The following ADAMTS3 variants were observed in gnomAD, a reference collection of about 807,000 sequenced individuals.
ADAMTS3 encodes A disintegrin and metalloproteinase with thrombospondin motifs 3.
A neutral mutation model predicts 129.0 loss-of-function variants in ADAMTS3; 73 were observed. The ratio of observed to expected loss-of-function variants is 0.57; its 90% CI spans 0.47 to 0.69. The LOEUF (loss-of-function observed/expected upper bound fraction) is 0.69, where lower values mean the gene tolerates loss of function less well. Ranked by LOEUF, ADAMTS3 falls within the 30% of genes least tolerant of loss-of-function variation. The probability of loss-of-function intolerance (pLI) is 0.00; values close to 1 mark genes in which losing one functional copy is unlikely to be tolerated. For synonymous variants in ADAMTS3, 477 were observed against 510.8 expected (o/e 0.93, Z 0.89); for missense variants, 1,457 against 1,514.5 (o/e 0.96, Z 0.63).
At chr4:72,484,504 T>C (rs1245566550) in intron 3 of ADAMTS3, among the ~76,000 whole-genome samples, 1 of 151,798 alleles carries the variant, frequency 6.6e-6, no homozygotes, top group African/African-American at 2.4e-5. Context: ...ACAAATGGAG[T>C]TGTATTTGAT....
At chr4:72,304,256 A>G (rs1290336895) in intron 16 of ADAMTS3, among the ~76,000 whole-genome samples, 176 bp from the exon 17 acceptor site, 1 of 152,170 alleles carries the variant, frequency 6.6e-6, no homozygotes, top group Non-Finnish European at 1.5e-5. Context: ...TTAGGCATTC[A>G]AAACTCTCAA....
chr4:72,455,560 C>T (rs1407000492), intron 3 of ADAMTS3, among the ~76,000 whole-genome samples: 3 of 146,190 alleles, frequency 2.1e-5, no homozygotes, highest in Admixed American at 7.0e-5. Context: ...CATCATGGTA[C>T]GTGTATAGCT....
chr4:72,436,549 A>G (rs1717931594), intron 3 of ADAMTS3, among the ~76,000 whole-genome samples: 1 of 152,166 alleles, frequency 6.6e-6, no homozygotes, highest in African/African-American at 2.4e-5. Context: ...ATAAAGACAC[A>G]TGCACACGTA....
At chr4:72,412,431 G>A (rs1045144795) in intron 4 of ADAMTS3, among the ~76,000 whole-genome samples, 1 of 151,902 alleles carries the variant, frequency 6.6e-6, no homozygotes. Flanking sequence ...TTAATTTACA[G>A]TTGGAAGGTA....
chr4:72,298,412 T>G lies in ADAMTS3; in HGVS notation c.2455A>C (p.Ser819Arg). The change falls in exon 18 of 22, where the codon AGC (serine) becomes CGC (arginine). Residue 819 changes from serine to arginine, a missense_variant. Coordinates refer to ENST00000286657, the MANE Select transcript of ADAMTS3 (RefSeq NM_014243.3). ...IIPQENDTRS[S>R]LTYKYIIHED... ...TGGATGATGTACTTATATGTCAGGC[T>G]AGAGCGGGTATCATTTTCTTGAGGT... 6.2e-7 allele frequency: 1 copy of G among 1,608,266 alleles called. No homozygotes were observed. The highest frequency in any genetic ancestry group is 8.5e-7 in the Non-Finnish European group (1 of 1,176,244).
chr4:72,475,908 A>G (rs1719217809), intron 3 of ADAMTS3, among the ~76,000 whole-genome samples: 1 of 152,124 alleles, frequency 6.6e-6, no homozygotes, highest in Non-Finnish European at 1.5e-5. Context: ...GTCTCATAGG[A>G]AGTCAAAATA....
Position 72,349,927 on chromosome 4 carries a change from G to T in ADAMTS3, c.662-10234C>A, listed in dbSNP as rs370711743. Among the ~76,000 whole-genome samples the T allele has an allele frequency of 1.8e-4, 27 of 151,974 alleles. No individual in the cohort carries two copies. In the East Asian group the frequency reaches 4.7e-3, roughly 26 times the overall value. ...TACTGATCAAACAGTTTTGATTCAC[G>T]TTCTGATTGGTCAGTTTTTATATCA... On this transcript the variant is annotated intron_variant, in intron 4 of 21. Transcript: ENST00000286657.
At chr4:72,335,878 C>T (rs1719976722) in intron 5 of ADAMTS3, among the ~76,000 whole-genome samples, 1 of 151,998 alleles carries the variant, frequency 6.6e-6, no homozygotes, top group South Asian at 2.1e-4. Context: ...CGTGATCTAC[C>T]TCTACATTAT....
intron 3 of ADAMTS3, among the ~76,000 whole-genome samples, chr4:72,463,676 C>T (rs1324613346): frequency 7.5e-5 from 9 of 119,942 alleles, no homozygotes; most frequent in Admixed American, 1.9e-4. Flanking sequence ...GTTTTGAAAT[C>T]TTTTTTGGAT....
At position 72,413,909 on chromosome 4, in the gene ADAMTS3, A is replaced by G. The variant is rs114445226; in HGVS notation, c.661+906T>C. On this transcript the variant is annotated intron_variant, in intron 4 of 21. Coordinates refer to ENST00000286657, the MANE Select transcript of ADAMTS3 (RefSeq NM_014243.3). ...GATATGTTAACTTTAAAGTTATCTT[A>G]AATTGCACTATTCTGTTCATAAATA... Among the ~76,000 whole-genome samples, 1,096 of 141,736 alleles carry G rather than the reference A, an allele frequency of 7.7e-3. 18 individuals are homozygous for G. The highest frequency in any genetic ancestry group is 0.026 in the African/African-American group (1,038 of 39,428). The allele number at this position is 141,736 out of a possible 152,430, so 93.0% of individuals were successfully genotyped here. A position where few individuals can be genotyped will look rare whatever the true frequency, so the allele number is the denominator to read the frequency against.
chr4:72,310,508 G>A (rs1161063715), intron 14 of ADAMTS3, among the ~76,000 whole-genome samples: 2 of 151,936 alleles, frequency 1.3e-5, no homozygotes, highest in South Asian at 2.1e-4. Context: ...ATTTCATATC[G>A]ATTTAACTAT....
rs1209285557 is a variant in ADAMTS3 at position 72,344,953 on chromosome 4, C to T, written c.662-5260G>A. ...CTAATGAGTTTTTTCTTGTATGCCA[C>T]TGAATCTAGTCCTAAAATACATGAC... On this transcript the variant is annotated intron_variant, in intron 4 of 21. Transcript: ENST00000286657. 4.6e-5 allele frequency among the ~76,000 whole-genome samples: 7 copies of T among 152,104 alleles called. 1 individual carries two copies. Among genetic ancestry groups the T allele is most frequent in the Non-Finnish European group, 1.0e-4 (7 of 68,008 alleles).
At chr4:72,349,536 T>A (rs1720372584) in intron 4 of ADAMTS3, among the ~76,000 whole-genome samples, 1 of 152,040 alleles carries the variant, frequency 6.6e-6, no homozygotes, top group South Asian at 2.1e-4. Context: ...CTGGAGACAT[T>A]GGCAGTTATA....
Position 72,530,081 on chromosome 4 carries a change from T to TTATATATAATATGTTATATATAACATA in ADAMTS3, c.504+18396_504+18397insTATGTTATATATAACATATTATATATA, listed in dbSNP as rs1491382114. On this transcript the variant is annotated intron_variant, in intron 3 of 21. Coordinates refer to ENST00000286657, the MANE Select transcript of ADAMTS3 (RefSeq NM_014243.3). ...AATATGTTATATATAACATATTATA[T>TTATATATAATATGTTATATATAACATA]TTATATATAATATGTTATATATAAC... Among the ~76,000 whole-genome samples, 2 of 3,494 alleles carry TTATATATAATATGTTATATATAACATA rather than the reference T, an allele frequency of 5.7e-4. 1 individual carries two copies. The highest frequency in any genetic ancestry group is 3.4e-3 in the African/African-American group (2 of 596). The allele number at this position is 3,494 out of a possible 152,430, so 2.3% of individuals were successfully genotyped here. A position where few individuals can be genotyped will look rare whatever the true frequency, so the allele number is the denominator to read the frequency against.
chr4:72,356,134 A>G (rs1720576832), intron 4 of ADAMTS3, among the ~76,000 whole-genome samples: 1 of 152,112 alleles, frequency 6.6e-6, no homozygotes, highest in Non-Finnish European at 1.5e-5. Context: ...TGAGTGAACA[A>G]ATCAGCAGGT....
rs972623312 is a variant in ADAMTS3 at position 72,323,775 on chromosome 4, T to C, written c.862-678A>G. 6.6e-5 allele frequency among the ~76,000 whole-genome samples: 10 copies of C among 152,318 alleles called. No homozygotes were observed. In the South Asian group the frequency reaches 8.3e-4, roughly 13 times the overall value. On this transcript the variant is annotated intron_variant, in intron 5 of 21. Coordinates refer to ENST00000286657, the MANE Select transcript of ADAMTS3 (RefSeq NM_014243.3). ...TGCTTTTTATTTAATTTTAAAAAAT[T>C]AGGCTGAAATTTCTAAAAGTGACTT...
intron 16 of ADAMTS3, 65 bp from the exon 17 acceptor site, chr4:72,304,145 A>C: frequency 6.9e-7 from 1 of 1,456,996 alleles, no homozygotes; most frequent in Non-Finnish European, 9.5e-7. Context: ...CTGAAGATTC[A>C]CAGCAAGTAT....
intron 3 of ADAMTS3, among the ~76,000 whole-genome samples, chr4:72,426,862 C>G (rs1312782385): frequency 6.6e-6 from 1 of 152,032 alleles, no homozygotes; most frequent in Non-Finnish European, 1.5e-5. Flanking sequence ...CCACTGCACA[C>G]CAGTCTGGGC....
chr4:72,567,476 C>G, intron 1 of ADAMTS3, 75 bp from the exon 2 acceptor site: 1 of 1,463,300 alleles, frequency 6.8e-7, no homozygotes. Context: ...TTTATTTCTA[C>G]CATTAATGGT....
Sources: allele counts gnomAD v4.1 joint callset (sites outside exome capture counted in the v4.1 genomes callset), GRCh38; gene constraint gnomAD v4.1.1; transcripts MANE v1.5; gene names NCBI Gene and HGNC (gene_info 2026-07-23, HGNC 2026-07-21).